COMMD1: variants seen among roughly 807,000 people sequenced by gnomAD.
COMMD1 encodes copper metabolism domain containing 1.
A neutral mutation model predicts 17.2 loss-of-function variants in COMMD1; 10 were observed. The observed-to-expected ratio is 0.58, with a 90% CI of 0.36 to 0.99. COMMD1 has a LOEUF of 0.99. COMMD1 is among the 50% of genes least tolerant of loss of function. The probability of loss-of-function intolerance (pLI) is 0.01; values close to 1 mark genes in which losing one functional copy is unlikely to be tolerated. For synonymous variants in COMMD1, 97 were observed against 91.6 expected, an observed-to-expected ratio of 1.06 and a Z score of -0.34; for missense variants, 270 against 231.8, an observed-to-expected ratio of 1.17 and a Z score of -1.07.
chr2:61,981,842 A>G (rs1244224819), intron 1 of COMMD1, among the ~76,000 whole-genome samples: 1 of 152,224 alleles, frequency 6.6e-6, no homozygotes, highest in Non-Finnish European at 1.5e-5. Context: ...TGGGAATTCA[A>G]GATGAGATTT....
intron 1 of COMMD1, among the ~76,000 whole-genome samples, chr2:61,897,165 G>A (rs1297081221): frequency 1.3e-5 from 2 of 152,026 alleles, no homozygotes; most frequent in Non-Finnish European, 2.9e-5. Context: ...AGGGAATCAA[G>A]GCCATAAAAA....
intron 1 of COMMD1, among the ~76,000 whole-genome samples, chr2:61,974,411 C>T (rs866158366): frequency 2.6e-5 from 4 of 151,904 alleles, no homozygotes; most frequent in Middle Eastern, 3.2e-3. Flanking sequence ...CGGTGGCTCA[C>T]GCCTGTAATC....
chr2:61,949,497 A>C (rs1670995645), intron 1 of COMMD1, among the ~76,000 whole-genome samples: 1 of 152,200 alleles, frequency 6.6e-6, no homozygotes, highest in South Asian at 2.1e-4. Context: ...TTTATGGCTT[A>C]CCCATGGATG....
chr2:61,923,078 G>A (rs2105196215), intron 1 of COMMD1, among the ~76,000 whole-genome samples: 1 of 152,300 alleles, frequency 6.6e-6, no homozygotes, highest in South Asian at 2.1e-4. Flanking sequence ...CAGATACTAA[G>A]CTGTTCTTTC....
chr2:62,019,875 T>C (rs888892052), intron 2 of COMMD1, among the ~76,000 whole-genome samples: 1 of 152,202 alleles, frequency 6.6e-6, no homozygotes, highest in African/African-American at 2.4e-5. Context: ...GGAGGGAAGA[T>C]TGGCTCTACA....
chr2:62,098,162 C>CTTTTTTTTTTTT (rs1212972398), intron 2 of COMMD1, among the ~76,000 whole-genome samples: 1 of 125,848 alleles, frequency 7.9e-6, no homozygotes, highest in Admixed American at 8.1e-5. Context: ...TCCTTTCTTT[C>CTTTTTTTTTTTT]TTTTTTTTTT....
At chr2:62,116,054 C>T (rs1672594175) in intron 2 of COMMD1, among the ~76,000 whole-genome samples, 1 of 151,912 alleles carries the variant, frequency 6.6e-6, no homozygotes, top group East Asian at 1.9e-4. Flanking sequence ...GCCGTGTTGC[C>T]CAGGCTGGTT....
At chr2:61,892,735 G>A (rs552313345) in intron 1 of COMMD1, among the ~76,000 whole-genome samples, 3 of 151,258 alleles carry the variant, frequency 2.0e-5, no homozygotes, top group Non-Finnish European at 4.4e-5. Context: ...AGGGCTGTAT[G>A]TATCTTATCT....
At chr2:61,968,972 G>T in intron 1 of COMMD1, 2 of 327,956 alleles carry the variant, frequency 6.1e-6, no homozygotes, top group South Asian at 2.3e-5. Flanking sequence ...TTTAAAGACA[G>T]GATCTTGCTG....
intron 2 of COMMD1, among the ~76,000 whole-genome samples, chr2:62,121,487 C>G (rs1672744256): frequency 6.6e-6 from 1 of 150,754 alleles, no homozygotes; most frequent in Non-Finnish European, 1.5e-5. Context: ...ACCTGTAATC[C>G]CAACACTTTG....
intron 2 of COMMD1, among the ~76,000 whole-genome samples, chr2:62,048,729 CA>C (rs1255251291): frequency 6.6e-6 from 1 of 151,592 alleles, no homozygotes; most frequent in Non-Finnish European, 1.5e-5. Context: ...TTCATATCAT[CA>C]GATTTTGAAA....
At chr2:61,910,710 A>G (rs1165224475) in intron 1 of COMMD1, among the ~76,000 whole-genome samples, 1 of 152,224 alleles carries the variant, frequency 6.6e-6, no homozygotes, top group Non-Finnish European at 1.5e-5. Context: ...TATGAAGATC[A>G]ATCACCTTTT....
At chr2:61,903,662 C>T (rs956645517), upstream of COMMD1, among the ~76,000 whole-genome samples, 1 of 151,668 alleles carries the variant, frequency 6.6e-6, no homozygotes, top group Non-Finnish European at 1.5e-5. Context: ...AAGCAATTCT[C>T]CTGCCTCAGC....
chr2:62,006,172 A>G (rs1239669370), intron 2 of COMMD1, among the ~76,000 whole-genome samples: 1 of 121,744 alleles, frequency 8.2e-6, no homozygotes, highest in Non-Finnish European at 1.6e-5. Context: ...AGGAAGGGGA[A>G]CATCATACTC....
chr2:62,053,337 G>T (rs1399082564), intron 2 of COMMD1, among the ~76,000 whole-genome samples: 1 of 151,970 alleles, frequency 6.6e-6, no homozygotes, highest in African/African-American at 2.4e-5. Flanking sequence ...GTATTTATTT[G>T]TGGGGTTTTT....
At chr2:62,060,751 G>A (rs1362595498) in intron 2 of COMMD1, among the ~76,000 whole-genome samples, 1 of 152,120 alleles carries the variant, frequency 6.6e-6, no homozygotes, top group Non-Finnish European at 1.5e-5. Context: ...TGATGAATAT[G>A]GAGTTTCAGC....
chr2:62,048,933 C>A (rs1179367241), intron 2 of COMMD1, among the ~76,000 whole-genome samples: 2 of 152,048 alleles, frequency 1.3e-5, no homozygotes, highest in Non-Finnish European at 2.9e-5. Context: ...CCTCCTGTTA[C>A]AAGAGTCCTA....
At chr2:61,977,182 CTG>C (rs1402311758) in intron 1 of COMMD1, among the ~76,000 whole-genome samples, 2 of 146,554 alleles carry the variant, frequency 1.4e-5, no homozygotes, top group African/African-American at 5.1e-5. Context: ...TTCTGGAACT[CTG>C]TAGTTTTAAG....
intron 2 of COMMD1, among the ~76,000 whole-genome samples, chr2:62,041,534 T>C (rs1383075503): frequency 6.6e-6 from 1 of 152,140 alleles, no homozygotes; most frequent in African/African-American, 2.4e-5. Flanking sequence ...GCCTCCCAAG[T>C]AGCTGGGCAA....
Sources: allele counts gnomAD v4.1 joint callset (sites outside exome capture counted in the v4.1 genomes callset), GRCh38; gene constraint gnomAD v4.1.1; transcripts MANE v1.5; gene names NCBI Gene and HGNC (gene_info 2026-07-23, HGNC 2026-07-21).